RIMBP2: variants seen among roughly 807,000 people sequenced by gnomAD.
RIMBP2 encodes the protein RIMS-binding protein 2.
A neutral mutation model predicts 118.6 loss-of-function variants in RIMBP2; 48 were observed. That is an observed-to-expected ratio of 0.40 (90% CI 0.32 to 0.51). The LOEUF (loss-of-function observed/expected upper bound fraction) is 0.51, where lower values mean the gene tolerates loss of function less well. Ranked by LOEUF, RIMBP2 falls within the 20% of genes least tolerant of loss-of-function variation. RIMBP2 has a pLI of 0.41. For synonymous variants in RIMBP2, 762 were observed against 742.9 expected (o/e 1.03, Z -0.42); for missense variants, 1,551 against 1,768.3 (o/e 0.88, Z 2.20).
rs577731137 is a variant in RIMBP2, at chr12:130,446,900, C to T, written c.582-1631G>A. On this transcript the variant is annotated intron_variant, in intron 9 of 22. Coordinates refer to ENST00000690449, the MANE Select transcript of RIMBP2 (RefSeq NM_001393629.1). The surrounding 1 kb of genome is among the most constrained non-coding windows in gnomAD (Gnocchi z 4.1). ...AGTGACTTAGGAGGCTGTGGAAATG[C>T]GGGTTGCCTGGCTGCAGGGATGAGG... is the stretch of plus-strand genomic sequence containing the variant. 2.0e-5 allele frequency among the ~76,000 whole-genome samples: 3 copies of T among 151,210 alleles called. No individual in the cohort carries two copies. The highest frequency in any genetic ancestry group is 2.0e-4 in the East Asian group (1 of 5,092).
intron 1 of RIMBP2, among the ~76,000 whole-genome samples, chr12:130,711,824 G>A (rs373495241): frequency 1.1e-4 from 16 of 152,302 alleles, no homozygotes; most frequent in Middle Eastern, 3.4e-3. Flanking sequence ...AGGTGATTTC[G>A]TCACTGAGCG....
chr12:130,668,127 G>A (rs1429092089), intron 1 of RIMBP2: 2 of 152,240 alleles, frequency 1.3e-5, no homozygotes, highest in Non-Finnish European at 2.9e-5. Context: ...GGTGTCTGCA[G>A]TGTGGGGGCC....
rs1027614326 is a variant in RIMBP2 at position 130,523,820 on chromosome 12, C to T, written c.-216-5903G>A. On this transcript the variant is annotated intron_variant, in intron 2 of 22. Coordinates refer to ENST00000690449, the MANE Select transcript of RIMBP2 (RefSeq NM_001393629.1). The surrounding 1 kb of genome is among the most constrained non-coding windows in gnomAD (Gnocchi z 4.4). ...GCATTCTGGGTTGAGATGTCAGGAA[C>T]GCCAGTTGCTATGGGGAGAGGTGAG... Among the ~76,000 whole-genome samples, 23 of 152,132 alleles carry T rather than the reference C, an allele frequency of 1.5e-4. No homozygotes were observed. The highest frequency in any genetic ancestry group is 3.4e-4 in the African/African-American group (14 of 41,416).
chr12:130,676,560 T>G (rs369445388), intron 1 of RIMBP2, among the ~76,000 whole-genome samples: 1 of 149,806 alleles, frequency 6.7e-6, no homozygotes, highest in Admixed American at 6.6e-5. Context: ...GAGGTGGAGG[T>G]TGCAGTGAGC....
chr12:130,531,792 G>C (rs1016330271), intron 2 of RIMBP2, among the ~76,000 whole-genome samples: 6 of 152,216 alleles, frequency 3.9e-5, no homozygotes, highest in Non-Finnish European at 8.8e-5. Flanking sequence ...GATTCTAGTA[G>C]GTGTCCCTTC....
chr12:130,405,751 T>C lies in RIMBP2; in HGVS notation c.3765+421A>G, dbSNP rs564072917. Among the ~76,000 whole-genome samples the C allele has an allele frequency of 2.9e-4, 37 of 128,324 alleles. No homozygotes were observed. In the East Asian group the frequency reaches 8.3e-3, roughly 29 times the overall value. The allele number at this position is 128,324 out of a possible 152,430, so 84.2% of individuals were successfully genotyped here. A position where few individuals can be genotyped will look rare whatever the true frequency, so the allele number is the denominator to read the frequency against. On this transcript the variant is annotated intron_variant, in intron 21 of 22. Coordinates refer to ENST00000690449, the MANE Select transcript of RIMBP2 (RefSeq NM_001393629.1). ...AAAAGGTAAGGGAGAAGTCCTAAAA[T>C]CTGTGGGGTTTTAGGTTTTTGTTTT...
rs145452667 is a variant in RIMBP2 at position 130,609,546 on chromosome 12, G to A, written c.-217+18776C>T. 3.1e-3 allele frequency among the ~76,000 whole-genome samples: 466 copies of A among 149,750 alleles called. 20 individuals are homozygous for A. Among genetic ancestry groups the A allele is most frequent in the African/African-American group, 0.01 (417 of 40,636 alleles). On this transcript the variant is annotated intron_variant, in intron 2 of 22. Coordinates refer to ENST00000690449, the MANE Select transcript of RIMBP2 (RefSeq NM_001393629.1). ...TCACTTTCTTCTGTTGGATGGAAGCGGGGTGGTTAGTCAGGGTTCCCTGGA... is the reference window on the plus strand; with the variant it reads ...TCACTTTCTTCTGTTGGATGGAAGCAGGGTGGTTAGTCAGGGTTCCCTGGA...
In RIMBP2 at chr12:130,622,944, T is replaced by C. The variant is rs1210740693; in HGVS notation, c.-217+5378A>G. Among the ~76,000 whole-genome samples, 1 of 152,204 alleles carries C rather than the reference T, an allele frequency of 6.6e-6. No individual in the cohort carries two copies. The highest frequency in any genetic ancestry group is 1.5e-5 in the Non-Finnish European group (1 of 68,042). ...CTGCAGGTAGGAACAAGAAGACTCATCTAACAGAGAAAATGAAAGAACAGA... is the reference window on the plus strand; with the variant it reads ...CTGCAGGTAGGAACAAGAAGACTCACCTAACAGAGAAAATGAAAGAACAGA... On this transcript the variant is annotated intron_variant, in intron 2 of 22. Transcript: ENST00000690449. This position sits in a 1 kb window ranked among gnomAD's most constrained non-coding sequence, Gnocchi z 8.5.
chr12:130,611,556 C>T (rs934753484), intron 2 of RIMBP2, among the ~76,000 whole-genome samples: 11 of 152,288 alleles, frequency 7.2e-5, no homozygotes, highest in East Asian at 5.8e-4. Flanking sequence ...ATGCTGGCGG[C>T]GACGCGTCTC....
At chr12:130,649,439 G>T (rs568232586) in intron 1 of RIMBP2, among the ~76,000 whole-genome samples, 11 of 152,154 alleles carry the variant, frequency 7.2e-5, no homozygotes, top group Non-Finnish European at 1.2e-4. Context: ...GCCTTCCCCC[G>T]ACTCAGGGCT....
intron 4 of RIMBP2, among the ~76,000 whole-genome samples, chr12:130,497,178 G>A (rs906736064): frequency 3.3e-5 from 5 of 152,088 alleles, no homozygotes; most frequent in South Asian, 2.1e-4. Flanking sequence ...ATGTGCGACC[G>A]CACCTTCACC....
At chr12:130,463,188 C>G (rs1593395507) in intron 6 of RIMBP2, among the ~76,000 whole-genome samples, 1 of 152,178 alleles carries the variant, frequency 6.6e-6, no homozygotes, top group South Asian at 2.1e-4. Flanking sequence ...ATTTACACCT[C>G]GATATTTATT....
chr12:130,477,440 A>C (rs888656526), intron 5 of RIMBP2, among the ~76,000 whole-genome samples: 1 of 152,202 alleles, frequency 6.6e-6, no homozygotes, highest in African/African-American at 2.4e-5. Flanking sequence ...TCACCCGGCC[A>C]CGGGAAAGGT....
chr12:130,505,220 G>A (rs1351479355), intron 4 of RIMBP2, among the ~76,000 whole-genome samples: 1 of 152,126 alleles, frequency 6.6e-6, no homozygotes, highest in East Asian at 1.9e-4. Flanking sequence ...CGCAGGACCA[G>A]CTTGGTTCAC....
At chr12:130,527,755 A>G (rs1285151821) in intron 2 of RIMBP2, among the ~76,000 whole-genome samples, 2 of 152,160 alleles carry the variant, frequency 1.3e-5, no homozygotes, top group Non-Finnish European at 2.9e-5. Context: ...AGAGAAAAAA[A>G]AAAAAACATT....
intron 1 of RIMBP2, among the ~76,000 whole-genome samples, chr12:130,662,887 T>C (rs1458825758): frequency 2.0e-5 from 3 of 151,998 alleles, no homozygotes; most frequent in Admixed American, 6.6e-5. Flanking sequence ...GCCCAGAAGG[T>C]TGGAGCTTCA....
intron 7 of RIMBP2, among the ~76,000 whole-genome samples, chr12:130,454,354 G>C (rs1237319911): frequency 6.6e-6 from 1 of 151,520 alleles, no homozygotes; most frequent in South Asian, 2.1e-4. Context: ...AATAAAACAA[G>C]AGGAGACCCT....
chr12:130,685,018 A>G (rs1017433592), intron 1 of RIMBP2, among the ~76,000 whole-genome samples: 1 of 152,212 alleles, frequency 6.6e-6, no homozygotes, highest in Non-Finnish European at 1.5e-5. Flanking sequence ...ACATGAGTTC[A>G]TCACCCACAT....
rs1349048084 is a variant in RIMBP2, at chr12:130,420,115, T to A, written c.3238+2338A>T. The stretch of plus-strand genomic sequence containing the variant: ...AAGAAAAATAGAAGTAAATGACAAC[T>A]AGAGGAATATCCTGTCTGTTCAGCT... On this transcript the variant is annotated intron_variant, in intron 17 of 22. Transcript: ENST00000690449. This position sits in a 1 kb window ranked among gnomAD's most constrained non-coding sequence, Gnocchi z 4.3. Among the ~76,000 whole-genome samples, 2 of 152,242 alleles carry A rather than the reference T, an allele frequency of 1.3e-5. No homozygotes were observed. The highest frequency in any genetic ancestry group is 4.8e-5 in the African/African-American group (2 of 41,466).
Sources: gnomAD v4.1 joint callset for allele counts (sites outside exome capture counted in the v4.1 genomes callset) on GRCh38, gnomAD v4.1.1 for gene constraint, Gnocchi (gnomAD v3.1) non-coding constraint, MANE v1.5 for transcripts, NCBI Gene and HGNC (gene_info 2026-07-23, HGNC 2026-07-21) for gene names.